Variants in AMMECR1 observed in about 807,000 individuals in gnomAD.
AMMECR1 encodes the protein nuclear protein AMMECR1.
In AMMECR1, 3 loss-of-function variants were observed where a neutral mutation model predicts 22.5. That is an observed-to-expected ratio of 0.13 (90% CI 0.06 to 0.35). AMMECR1 has a LOEUF of 0.35. Among genes scored for constraint, AMMECR1 ranks in the 10% least tolerant of loss-of-function variants. The probability of loss-of-function intolerance (pLI) is 1.00; values close to 1 mark genes in which losing one functional copy is unlikely to be tolerated. For missense variants in AMMECR1, 235 were observed against 278.7 expected (o/e 0.84, Z 1.12); for synonymous variants, 130 against 116.7 (o/e 1.11, Z -0.74).
intron 2 of AMMECR1, among the ~76,000 whole-genome samples, chrX:110,221,513 A>G (rs2067499849): frequency 8.9e-6 from 1 of 111,973 alleles, no homozygotes; most frequent in Non-Finnish European, 1.9e-5. Context: ...AAGGTGCCTT[A>G]TTTTGGTGAG....
chrX:110,219,696 C>T, intron 2 of AMMECR1: 1 of 517,219 alleles, frequency 1.9e-6, no homozygotes, highest in Non-Finnish European at 2.4e-6. Flanking sequence ...GACAATGGTG[C>T]CTCACCATGT....
intron 2 of AMMECR1, among the ~76,000 whole-genome samples, chrX:110,406,844 G>T (rs1218585462): frequency 1.8e-5 from 2 of 111,872 alleles, no homozygotes; most frequent in East Asian, 5.5e-4. Flanking sequence ...ATGAATGTGT[G>T]GATGTTTCAT....
upstream of AMMECR1, chrX:110,318,168 G>A: frequency 3.7e-6 from 3 of 813,888 alleles, no homozygotes; most frequent in Non-Finnish European, 3.1e-6. Context: ...CCGGGGGCGC[G>A]CCAGAGGCTG....
At chrX:110,317,157 G>A (rs771498046) in intron 1 of AMMECR1, among the ~76,000 whole-genome samples, 5 of 111,489 alleles carry the variant, frequency 4.5e-5, no homozygotes, top group Admixed American at 2.8e-4. Flanking sequence ...CCTGCAATGG[G>A]ATAGTAGTTC....
intron 2 of AMMECR1, among the ~76,000 whole-genome samples, chrX:110,240,084 T>C (rs979666748): frequency 1.8e-5 from 2 of 111,154 alleles, no homozygotes; most frequent in Admixed American, 9.6e-5. Context: ...GAAAAACCGG[T>C]ACCAGCCACC....
chrX:110,383,313 C>T (rs1421816759), intron 2 of AMMECR1, among the ~76,000 whole-genome samples: 1 of 111,295 alleles, frequency 9.0e-6, no homozygotes, highest in Non-Finnish European at 1.9e-5. Context: ...ACCCTCCTCC[C>T]TTCAAGAACT....
intron 2 of AMMECR1, among the ~76,000 whole-genome samples, chrX:110,261,829 G>A (rs184992177): frequency 9.0e-6 from 1 of 111,229 alleles, no homozygotes; most frequent in Non-Finnish European, 1.9e-5. Flanking sequence ...AGAAAATTTT[G>A]CCTCGGTTAG....
intron 1 of AMMECR1, among the ~76,000 whole-genome samples, chrX:110,289,859 A>G (rs1482482573): frequency 2.7e-5 from 3 of 112,005 alleles, no homozygotes; most frequent in Non-Finnish European, 5.6e-5. Flanking sequence ...CAGCATTCTT[A>G]TAATTGTACT....
At chrX:110,341,919 C>G (rs991162153) in intron 2 of AMMECR1, among the ~76,000 whole-genome samples, 1 of 110,421 alleles carries the variant, frequency 9.1e-6, no homozygotes, top group Non-Finnish European at 1.9e-5. Context: ...AAAAATTAGG[C>G]ATAGTGGCAC....
intron 2 of AMMECR1, among the ~76,000 whole-genome samples, chrX:110,337,279 T>G (rs1429742127): frequency 1.8e-5 from 2 of 112,130 alleles, no homozygotes; most frequent in Non-Finnish European, 3.8e-5. Context: ...GTCTGTCACA[T>G]AGTAGGTGCT....
intron 1 of AMMECR1, among the ~76,000 whole-genome samples, chrX:110,310,070 T>C (rs1200499951): frequency 8.9e-6 from 1 of 112,704 alleles, no homozygotes; most frequent in Non-Finnish European, 1.9e-5. Context: ...GATATCTACT[T>C]ATCTGAGCCA....
chrX:110,317,310 G>A (rs914675269), intron 1 of AMMECR1, among the ~76,000 whole-genome samples: 59 of 111,341 alleles, frequency 5.3e-4, no homozygotes, highest in African/African-American at 1.9e-3. Flanking sequence ...GGGTGGTGAA[G>A]GAGACAAGTA....
At chrX:110,403,513 C>T (rs887788989) in intron 2 of AMMECR1, among the ~76,000 whole-genome samples, 33 of 110,955 alleles carry the variant, frequency 3.0e-4, no homozygotes, top group Admixed American at 1.2e-3. Context: ...TCTCCAAACA[C>T]GTCCATGATA....
At chrX:110,315,985 A>G (rs145052767) in intron 1 of AMMECR1, among the ~76,000 whole-genome samples, 1,249 of 112,737 alleles carry the variant, frequency 0.011, 18 homozygotes, top group African/African-American at 0.039. Context: ...GCTAAATAAA[A>G]GTGTGGACTT....
At chrX:110,424,440 C>T (rs2068740228) in intron 2 of AMMECR1, among the ~76,000 whole-genome samples, 1 of 111,558 alleles carries the variant, frequency 9.0e-6, no homozygotes. Flanking sequence ...CAAACCCAGG[C>T]CTGCATGAGT....
chrX:110,306,572 C>T (rs2067996700), intron 1 of AMMECR1, among the ~76,000 whole-genome samples: 1 of 110,399 alleles, frequency 9.1e-6, no homozygotes, highest in African/African-American at 3.3e-5. Flanking sequence ...GATTCTCCTA[C>T]CTCAGCCTCC....
intron 2 of AMMECR1, among the ~76,000 whole-genome samples, chrX:110,262,344 G>A (rs1307771183): frequency 1.8e-5 from 2 of 111,280 alleles, no homozygotes; most frequent in East Asian, 2.8e-4. Context: ...GTATACACAC[G>A]CACACACACA....
At chrX:110,344,851 G>A (rs1369510037) in intron 2 of AMMECR1, among the ~76,000 whole-genome samples, 58 of 111,825 alleles carry the variant, frequency 5.2e-4, no homozygotes, top group African/African-American at 1.7e-3. Flanking sequence ...AACAACAGGT[G>A]CTGGAGAGGA....
At chrX:110,372,256 A>G (rs2068344370) in intron 2 of AMMECR1, among the ~76,000 whole-genome samples, 1 of 112,706 alleles carries the variant, frequency 8.9e-6, no homozygotes, top group Non-Finnish European at 1.9e-5. Flanking sequence ...AAATCAAGGA[A>G]GGAGGATATT....
Sources: allele counts gnomAD v4.1 joint callset (sites outside exome capture counted in the v4.1 genomes callset), GRCh38; gene constraint gnomAD v4.1.1; transcripts MANE v1.5; gene names NCBI Gene and HGNC (gene_info 2026-07-23, HGNC 2026-07-21).